The following MAPK8IP3 variants were observed in gnomAD, a reference collection of about 807,000 sequenced individuals.
MAPK8IP3 encodes the protein C-Jun-amino-terminal kinase-interacting protein 3.
Under a neutral mutation model 157.8 loss-of-function variants are expected in MAPK8IP3, and 49 were observed. That is an observed-to-expected ratio of 0.31 (90% confidence interval 0.25 to 0.39). The LOEUF (loss-of-function observed/expected upper bound fraction) is 0.39, where lower values mean the gene tolerates loss of function less well. Ranked by LOEUF, MAPK8IP3 falls within the 10% of genes least tolerant of loss-of-function variation. MAPK8IP3 has a pLI of 1.00. For missense variants in MAPK8IP3, 1,478 were observed against 1,889.4 expected (o/e 0.78, Z 4.04); for synonymous variants, 897 against 777.7 (o/e 1.15, Z -2.55).
At chr16:1,729,002 C>T (rs1285844507) in intron 2 of MAPK8IP3, 136 bp from the exon 3 acceptor site, 32 of 781,232 alleles carry the variant, frequency 4.1e-5, no homozygotes, top group African/African-American at 1.2e-4. Flanking sequence ...TTGCACTTGC[C>T]GGGCTGCTGC....
chr16:1,760,808 T>C (rs2041888964), intron 12 of MAPK8IP3, among the ~76,000 whole-genome samples: 3 of 152,170 alleles, frequency 2.0e-5, no homozygotes, highest in African/African-American at 7.2e-5. Context: ...CAGCCAAGGT[T>C]TGGCCACGGC....
At chr16:1,726,194 G>A (rs1360099836) in intron 2 of MAPK8IP3, among the ~76,000 whole-genome samples, 1 of 152,224 alleles carries the variant, frequency 6.6e-6, no homozygotes, top group African/African-American at 2.4e-5. Flanking sequence ...GACCACGGTG[G>A]CAGCTTCCAC....
intron 4 of MAPK8IP3, among the ~76,000 whole-genome samples, chr16:1,738,015 C>T (rs1340943549): frequency 1.4e-4 from 9 of 62,882 alleles, no homozygotes; most frequent in Middle Eastern, 0.013. Context: ...TCTGTGTGAC[C>T]GTCCGTGTGA....
At chr16:1,719,897 C>A (rs2038407899) in intron 1 of MAPK8IP3, among the ~76,000 whole-genome samples, 1 of 152,146 alleles carries the variant, frequency 6.6e-6, no homozygotes, top group African/African-American at 2.4e-5. Context: ...GTTGAGAGTT[C>A]TACAAAAGGG....
intron 4 of MAPK8IP3, among the ~76,000 whole-genome samples, chr16:1,733,242 CAGG>C (rs576925068): frequency 0.011 from 1,643 of 152,234 alleles, 11 homozygotes; most frequent in South Asian, 0.028. Flanking sequence ...GGCGCCTGGG[CAGG>C]AGGAGCCCAG....
chr16:1,711,768 C>T (rs950539278), intron 1 of MAPK8IP3, among the ~76,000 whole-genome samples: 4 of 152,006 alleles, frequency 2.6e-5, no homozygotes, highest in Admixed American at 2.0e-4. Flanking sequence ...GGTGAAACCC[C>T]GTCTCTACTA....
Position 1,765,036 on chromosome 16 carries a change from C to T in MAPK8IP3, c.2304C>T (p.Asp768=), listed in dbSNP as rs1411346067. The T allele has an allele frequency of 5.6e-6, 9 of 1,610,092 alleles. No individual in the cohort carries two copies. Among genetic ancestry groups the T allele is most frequent in the African/African-American group, 4.0e-5 (3 of 74,882 alleles). The change falls in exon 20 of 32, where the codon GAC becomes GAT. Residue 768 remains aspartate, a synonymous_variant. Transcript: ENST00000610761. ...KKKAKELPEM[D]ATSSRVWILT... ...AGGCCAAGGAGCTCCCTGAAATGGA[C>T]GCCACCTCCAGCCGGGTGTGGATCC...
rs567702030 is a variant in MAPK8IP3 at position 1,747,846 on chromosome 16, A to G, written c.995-398A>G. ...ACACAGTCCCACTAACCAGTAGCCT[A>G]CGTCACCCCATGGCACACAGCCCCA... On this transcript the variant is annotated intron_variant, in intron 6 of 31. Coordinates refer to ENST00000610761, the MANE Select transcript of MAPK8IP3 (RefSeq NM_001318852.2). 1.2e-4 allele frequency among the ~76,000 whole-genome samples: 18 copies of G among 146,668 alleles called. 1 individual carries two copies. The South Asian group carries it at 3.7e-3, about 30-fold the overall frequency.
At position 1,767,613 on chromosome 16, in the gene MAPK8IP3, C is replaced by T. The variant is rs1596813829; in HGVS notation, c.3287C>T (p.Ala1096Val). The change falls in exon 27 of 32, where the codon GCG becomes GTG. Residue 1096 changes from alanine to valine, a missense_variant. Ala to Val is a moderately conservative substitution (Grantham distance 64). This residue lies in a region of MAPK8IP3 where 68 missense variants were observed against 125.1 expected (regional missense o/e 0.54). Transcript: ENST00000610761. ...CGGGAGAGCCAGGTGCGGCAGCTGG[C>T]GTGGATCGGCGATGGCGTATGGGTG... The part of the protein sequence containing the change: ...PRRESQVRQL[A>V]WIGDGVWVSI... 2 of 1,612,504 alleles carry T rather than the reference C, an allele frequency of 1.2e-6. No homozygotes were observed. The highest frequency in any genetic ancestry group is 1.3e-5 in the African/African-American group (1 of 75,042).
At chr16:1,718,644 A>G (rs2038315131) in intron 1 of MAPK8IP3, among the ~76,000 whole-genome samples, 1 of 151,890 alleles carries the variant, frequency 6.6e-6, no homozygotes, top group African/African-American at 2.4e-5. Context: ...GAATACAAAA[A>G]TTAGCCGGGC....
At chr16:1,713,881 A>AC (rs1163667613) in intron 1 of MAPK8IP3, 2 of 152,152 alleles carry the variant, frequency 1.3e-5, no homozygotes, top group Non-Finnish European at 2.9e-5. Flanking sequence ...ATACGTATAA[A>AC]CACCAGAAGC....
intron 1 of MAPK8IP3, among the ~76,000 whole-genome samples, chr16:1,717,000 A>G (rs535221458): frequency 6.6e-6 from 1 of 152,178 alleles, no homozygotes; most frequent in East Asian, 1.9e-4. Context: ...CAGAGGTTGC[A>G]GTAAGCTGAG....
Position 1,729,212 on chromosome 16 carries a change from G to A in MAPK8IP3, c.510+4G>A. 6.2e-7 allele frequency: 1 copy of A among 1,613,788 alleles called. No individual in the cohort carries two copies. Among genetic ancestry groups the A allele is most frequent in the Non-Finnish European group, 8.5e-7 (1 of 1,179,998 alleles). ...CCTGCACCAGCGGCACACAGAGGTG[G>A]GCGCCCAGAGGCAAGCGCGGAGACG... is the stretch of plus-strand genomic sequence containing the variant. On this transcript the variant is annotated splice_donor_region_variant and intron_variant, in intron 3 of 31. Coordinates refer to ENST00000610761, the MANE Select transcript of MAPK8IP3 (RefSeq NM_001318852.2).
chr16:1,761,046 G>A (rs1451709141), intron 12 of MAPK8IP3, among the ~76,000 whole-genome samples, 178 bp from the exon 13 acceptor site: 1 of 152,226 alleles, frequency 6.6e-6, no homozygotes, highest in Admixed American at 6.5e-5. Flanking sequence ...TGTCCCCAGG[G>A]AACTGGAAGA....
Position 1,750,987 on chromosome 16 carries a change from C to T in MAPK8IP3, c.1216+2267C>T, listed in dbSNP as rs906138954. ...GTGACACCTACCAGACACCATGGCCCATGGCCCACAGAGGTATGACACATG... is the reference window on the plus strand; with the variant it reads ...GTGACACCTACCAGACACCATGGCCTATGGCCCACAGAGGTATGACACATG... On this transcript the variant is annotated intron_variant, in intron 8 of 31. Coordinates refer to ENST00000610761, the MANE Select transcript of MAPK8IP3 (RefSeq NM_001318852.2). Among the ~76,000 whole-genome samples, 7 of 152,332 alleles carry T rather than the reference C, an allele frequency of 4.6e-5. No homozygotes were observed. In the South Asian group the frequency reaches 1.5e-3, roughly 32 times the overall value.
intron 12 of MAPK8IP3, 145 bp downstream of exon 12, chr16:1,760,677 AC>A: frequency 9.8e-7 from 1 of 1,025,144 alleles, no homozygotes; most frequent in Non-Finnish European, 1.4e-6. Flanking sequence ...CAGCCACTCC[AC>A]CCCAACCAGC....
At chr16:1,745,743 G>A (rs993251007) in intron 5 of MAPK8IP3, 1 of 152,250 alleles carries the variant, frequency 6.6e-6, no homozygotes, top group Non-Finnish European at 1.5e-5. Context: ...CAGCCCAACT[G>A]AGAATAGCTA....
chr16:1,753,517 T>A (rs1248345724), intron 8 of MAPK8IP3, among the ~76,000 whole-genome samples: 1 of 151,934 alleles, frequency 6.6e-6, no homozygotes, highest in Non-Finnish European at 1.5e-5. Context: ...ATCAGCTCAC[T>A]GCAAGCTCCG....
chr16:1,723,195 G>A (rs951896690), intron 1 of MAPK8IP3, among the ~76,000 whole-genome samples: 8 of 151,392 alleles, frequency 5.3e-5, no homozygotes, highest in African/African-American at 9.7e-5. Context: ...CACCACACCC[G>A]GCTAATTTTT....
Sources: gnomAD v4.1 joint callset for allele counts (sites outside exome capture counted in the v4.1 genomes callset) on GRCh38, gnomAD v4.1.1 for gene constraint, gnomAD v4.1.1 regional missense constraint, MANE v1.5 for transcripts, NCBI Gene and HGNC (gene_info 2026-07-23, HGNC 2026-07-21) for gene names.